RGP1: variants seen among roughly 807,000 people sequenced by gnomAD.
RGP1 encodes RAB6A-GEF complex partner protein 2.
Under a neutral mutation model 44.5 loss-of-function variants are expected in RGP1, and 28 were observed. The observed-to-expected ratio is 0.63, with a 90% confidence interval of 0.47 to 0.86. The LOEUF is 0.86. RGP1 is among the 40% of genes least tolerant of loss of function. The pLI is 0.00. For missense variants in RGP1, 417 were observed against 490.7 expected (o/e 0.85, Z 1.42); for synonymous variants, 212 against 196.7 (o/e 1.08, Z -0.65).
At chr9:35,773,100 A>G in the RGP1 span, among the ~76,000 whole-genome samples, 2 of 151,962 alleles carry the variant, frequency 1.3e-5, no homozygotes, top group African/African-American at 4.8e-5. Context: ...TAATTATTGA[A>G]AAGTACAGCC....
the RGP1 span, among the ~76,000 whole-genome samples, chr9:35,765,001 C>G: frequency 1.3e-5 from 2 of 151,864 alleles, no homozygotes; most frequent in Non-Finnish European, 2.9e-5. Context: ...TGGTGCACAC[C>G]AGTAGTCCCA....
At chr9:35,783,020 G>A in the RGP1 span, among the ~76,000 whole-genome samples, 1 of 151,478 alleles carries the variant, frequency 6.6e-6, no homozygotes, top group Non-Finnish European at 1.5e-5. Context: ...TGTTGGTCGG[G>A]CTGGTCTCTA....
At position 35,757,126 on chromosome 9, in the gene RGP1, C is replaced by T. The variant is rs73438795; in HGVS notation, c.*4252C>T. ...GCCCGGCCGGGCGGCGCTCCAGCCT[C>T]GGGGCAGGTGCGCGGAGAGGAAGTG... On this transcript the variant is annotated 3_prime_UTR_variant, in exon 9 of 9. Coordinates refer to ENST00000378078, the MANE Select transcript of RGP1 (RefSeq NM_001080496.3). 1.3e-5 allele frequency: 2 copies of T among 152,278 alleles called. No individual in the cohort carries two copies. Among genetic ancestry groups the T allele is most frequent in the Non-Finnish European group, 2.9e-5 (2 of 68,170 alleles). 9.4% of individuals were successfully genotyped at this position (152,278 alleles called of 1,614,324 possible).
chr9:35,753,183 G>A lies in RGP1; in HGVS notation c.*309G>A, dbSNP rs756352320. The A allele has an allele frequency of 6.2e-7, 1 of 1,614,178 alleles. No individual in the cohort carries two copies. Among genetic ancestry groups the A allele is most frequent in the East Asian group, 2.2e-5 (1 of 44,874 alleles). On this transcript the variant is annotated 3_prime_UTR_variant, in exon 9 of 9. Coordinates refer to ENST00000378078, the MANE Select transcript of RGP1 (RefSeq NM_001080496.3). The surrounding 1 kb of genome is among the most constrained non-coding windows in gnomAD (Gnocchi z 4.2). ...GGGTCAGGCCCTCCCCCTTTGCAGG[G>A]CAGCCGAGGGTCAGATTTTTGCACC... is the stretch of plus-strand genomic sequence containing the variant.
At position 35,756,572 on chromosome 9, in the gene RGP1, G is replaced by C. The variant is rs1455463609; in HGVS notation, c.*3698G>C. 1 of 152,450 alleles carries C rather than the reference G, an allele frequency of 6.6e-6. No individual in the cohort carries two copies. Among genetic ancestry groups the C allele is most frequent in the Non-Finnish European group, 1.5e-5 (1 of 68,190 alleles). 9.4% of individuals were successfully genotyped at this position (152,450 alleles called of 1,614,324 possible). A position where few individuals can be genotyped will look rare whatever the true frequency, so the allele number is the denominator to read the frequency against. On this transcript the variant is annotated 3_prime_UTR_variant, in exon 9 of 9. Transcript: ENST00000378078. ...GGGCCTGCTCTCTGGGCTGGAGCAGGTGGATTCGAAGGCCTGTCTAGCACG... is the reference window on the plus strand; with the variant it reads ...GGGCCTGCTCTCTGGGCTGGAGCAGCTGGATTCGAAGGCCTGTCTAGCACG...
In RGP1 at chr9:35,758,152, C is replaced by G. The variant is rs1429448905; in HGVS notation, c.*5278C>G. The G allele has an allele frequency of 6.6e-6, 1 of 152,100 alleles. No individual in the cohort carries two copies. Among genetic ancestry groups the G allele is most frequent in the Non-Finnish European group, 1.5e-5 (1 of 68,042 alleles). 9.4% of individuals were successfully genotyped at this position (152,100 alleles called of 1,614,324 possible). On this transcript the variant is annotated 3_prime_UTR_variant, in exon 9 of 9. Coordinates refer to ENST00000378078, the MANE Select transcript of RGP1 (RefSeq NM_001080496.3). Reference sequence around the variant, plus strand: ...TCATTTTACTGTCTTTATTTTTAGCCTTTTTTCTGTGTAGCCCTCTAACCT... The same window carrying G: ...TCATTTTACTGTCTTTATTTTTAGCGTTTTTTCTGTGTAGCCCTCTAACCT...
At chr9:35,785,974 T>C in the RGP1 span, among the ~76,000 whole-genome samples, 1 of 152,224 alleles carries the variant, frequency 6.6e-6, no homozygotes, top group East Asian at 1.9e-4. Context: ...TTGCTTTCAG[T>C]CTGTCTGCCC....
intron 2 of RGP1, 82 bp from the exon 3 acceptor site, chr9:35,750,161 T>C: frequency 6.5e-7 from 1 of 1,530,278 alleles, no homozygotes. Flanking sequence ...CCTTGTTGGT[T>C]AAGATGGTGT....
At chr9:35,776,564 G>A in the RGP1 span, among the ~76,000 whole-genome samples, 1 of 151,900 alleles carries the variant, frequency 6.6e-6, no homozygotes, top group African/African-American at 2.4e-5. Flanking sequence ...TGGGATTACA[G>A]GCATGAGCAA....
At chr9:35,751,026 G>A in intron 5 of RGP1, 37 bp downstream of exon 5, 2 of 1,608,894 alleles carry the variant, frequency 1.2e-6, no homozygotes, top group Non-Finnish European at 1.7e-6. Flanking sequence ...GCTGGGGAAG[G>A]GCGATGCCAA....
the RGP1 span, among the ~76,000 whole-genome samples, chr9:35,781,983 G>GTTTTT: frequency 2.2e-5 from 2 of 90,654 alleles, no homozygotes; most frequent in Non-Finnish European, 4.5e-5. Context: ...TATTTCTCTC[G>GTTTTT]TTTTTTTTTT....
At chr9:35,769,982 C>T in the RGP1 span, among the ~76,000 whole-genome samples, 2 of 152,194 alleles carry the variant, frequency 1.3e-5, no homozygotes, top group Non-Finnish European at 2.9e-5. Flanking sequence ...GCAGGGACTG[C>T]TTCAGTTTCT....
the RGP1 span, among the ~76,000 whole-genome samples, chr9:35,784,443 T>G: frequency 5.3e-5 from 8 of 152,132 alleles, no homozygotes; most frequent in Non-Finnish European, 8.8e-5. Flanking sequence ...TGATGAGAGA[T>G]AGGGGTGTTT....
In RGP1 at chr9:35,749,651, T is replaced by A; in HGVS notation, c.-19-86T>A. ...CGGGCACCACGGTGCTGACCACCCC[T>A]GTCCTCAGCCCTCAGCCCTAGGTGC... On this transcript the variant is annotated intron_variant, in intron 1 of 8. Transcript: ENST00000378078. The surrounding 1 kb of genome is among the most constrained non-coding windows in gnomAD (Gnocchi z 4.4). 7 of 745,824 alleles carry A rather than the reference T, an allele frequency of 9.4e-6. No individual in the cohort carries two copies. Among genetic ancestry groups the A allele is most frequent in the Non-Finnish European group, 1.6e-5 (7 of 428,700 alleles). The allele number at this position is 745,824 out of a possible 1,614,324, so 46.2% of individuals were successfully genotyped here. A position where few individuals can be genotyped will look rare whatever the true frequency, so the allele number is the denominator to read the frequency against.
intron 6 of RGP1, 78 bp from the exon 7 acceptor site, chr9:35,751,549 T>C: frequency 6.2e-7 from 1 of 1,602,442 alleles, no homozygotes; most frequent in South Asian, 1.1e-5. Flanking sequence ...AAAAGCCCCA[T>C]CTTTTGGCCT....
intron 8 of RGP1, 80 bp downstream of exon 8, chr9:35,752,225 T>G: frequency 7.5e-7 from 1 of 1,325,434 alleles, no homozygotes; most frequent in Non-Finnish European, 1.0e-6. Flanking sequence ...TGGATCCTGA[T>G]TCCTTATACA....
chr9:35,789,404 T>C, the RGP1 span, among the ~76,000 whole-genome samples: 1 of 146,594 alleles, frequency 6.8e-6, no homozygotes, highest in Non-Finnish European at 1.5e-5. Context: ...GATCAAGCGA[T>C]CCCCCCACCT....
chr9:35,749,370 A>T lies in RGP1; in HGVS notation c.-58A>T, dbSNP rs1281293660. ...CAGGTCCCTGAGGGGCGGGCAGATG[A>T]GGCCTAGGGGTGCCGATCCCTAGTG... On this transcript the variant is annotated 5_prime_UTR_variant, in exon 1 of 9. Coordinates refer to ENST00000378078, the MANE Select transcript of RGP1 (RefSeq NM_001080496.3). This position sits in a 1 kb window ranked among gnomAD's most constrained non-coding sequence, Gnocchi z 4.4. The T allele has an allele frequency of 1.1e-5, 6 of 542,612 alleles. No homozygotes were observed. Among genetic ancestry groups the T allele is most frequent in the African/African-American group, 1.9e-5 (1 of 52,188 alleles). The allele number at this position is 542,612 out of a possible 1,614,324, so 33.6% of individuals were successfully genotyped here.
chr9:35,755,465 G>A lies in RGP1; in HGVS notation c.*2591G>A, dbSNP rs1462312944. On this transcript the variant is annotated 3_prime_UTR_variant, in exon 9 of 9. Transcript: ENST00000378078. ...CCTTTCACACTCATACTCCTTGTCA[G>A]CAGTCCCCAACCTTTTTGGTACCAG... The A allele has an allele frequency of 2.6e-5, 4 of 152,278 alleles. No homozygotes were observed. The highest frequency in any genetic ancestry group is 9.7e-5 in the African/African-American group (4 of 41,448). The allele number at this position is 152,278 out of a possible 1,614,324, so 9.4% of individuals were successfully genotyped here. A position where few individuals can be genotyped will look rare whatever the true frequency, so the allele number is the denominator to read the frequency against.
Sources: gnomAD v4.1 joint callset for allele counts (sites outside exome capture counted in the v4.1 genomes callset) on GRCh38, gnomAD v4.1.1 for gene constraint, Gnocchi (gnomAD v3.1) non-coding constraint, MANE v1.5 for transcripts, NCBI Gene and HGNC (gene_info 2026-07-23, HGNC 2026-07-21) for gene names.